IKZF2: variants seen among roughly 807,000 people sequenced by gnomAD.
The protein encoded by IKZF2 is IKAROS family zinc finger 2, also known as zinc finger protein Helios.
Under a neutral mutation model 49.2 loss-of-function variants are expected in IKZF2, and 15 were observed. The observed-to-expected ratio is 0.30, with a 90% CI of 0.20 to 0.47. The LOEUF (loss-of-function observed/expected upper bound fraction) is 0.47, where lower values mean the gene tolerates loss of function less well. Ranked by LOEUF, IKZF2 falls within the 20% of genes least tolerant of loss-of-function variation. The probability of loss-of-function intolerance (pLI) is 1.00; values close to 1 mark genes in which losing one functional copy is unlikely to be tolerated. For missense variants in IKZF2, 567 were observed against 664.6 expected (o/e 0.85, Z 1.61); for synonymous variants, 227 against 221.4 (o/e 1.03, Z -0.23).
intron 4 of IKZF2, among the ~76,000 whole-genome samples, chr2:213,096,862 T>C (rs1271770704): frequency 5.3e-5 from 8 of 152,032 alleles, no homozygotes; most frequent in Non-Finnish European, 8.8e-5. Flanking sequence ...ATAAAACCAA[T>C]ACAATGTTAT....
chr2:213,034,934 T>C (rs1156313738), intron 6 of IKZF2, among the ~76,000 whole-genome samples: 1 of 152,174 alleles, frequency 6.6e-6, no homozygotes, highest in African/African-American at 2.4e-5. Flanking sequence ...CTTTCTATAT[T>C]ACAAGAACTC....
At chr2:213,038,220 A>G (rs1018484940) in intron 6 of IKZF2, among the ~76,000 whole-genome samples, 7 of 152,022 alleles carry the variant, frequency 4.6e-5, no homozygotes, top group Admixed American at 1.3e-4. Flanking sequence ...CACCACGCCC[A>G]GCTAATTTTT....
At chr2:213,101,985 C>T (rs1217586700) in intron 4 of IKZF2, among the ~76,000 whole-genome samples, 1 of 152,128 alleles carries the variant, frequency 6.6e-6, no homozygotes, top group African/African-American at 2.4e-5. Flanking sequence ...TACTAGTATT[C>T]AAAACTGGCA....
At chr2:213,020,195 T>C (rs1297571506) in intron 7 of IKZF2, among the ~76,000 whole-genome samples, 2 of 152,170 alleles carry the variant, frequency 1.3e-5, no homozygotes, top group African/African-American at 4.8e-5. Context: ...CCAGCCTCAA[T>C]TTACCCTTAA....
At chr2:213,016,466 C>T (rs765647982) in intron 7 of IKZF2, among the ~76,000 whole-genome samples, 14 of 152,108 alleles carry the variant, frequency 9.2e-5, no homozygotes, top group Non-Finnish European at 2.9e-5. Context: ...TACATTTTTC[C>T]TTAATTATGT....
chr2:213,062,226 A>G (rs1701761256), intron 4 of IKZF2, among the ~76,000 whole-genome samples: 1 of 151,696 alleles, frequency 6.6e-6, no homozygotes, highest in Non-Finnish European at 1.5e-5. Flanking sequence ...TGAAAATATC[A>G]ATTTAAGACA....
At chr2:213,141,727 C>T (rs2060880826) in intron 4 of IKZF2, among the ~76,000 whole-genome samples, 2 of 151,974 alleles carry the variant, frequency 1.3e-5, no homozygotes, top group East Asian at 3.9e-4. Flanking sequence ...CAGTAAAATG[C>T]CCTATTTAAT....
intron 4 of IKZF2, among the ~76,000 whole-genome samples, chr2:213,066,988 T>C (rs543617102): frequency 1.3e-5 from 2 of 152,200 alleles, no homozygotes; most frequent in South Asian, 2.1e-4. Context: ...TGGAAAAGCA[T>C]GCAATCACTT....
intron 6 of IKZF2, among the ~76,000 whole-genome samples, chr2:213,033,211 C>T (rs1294294762): frequency 6.6e-6 from 1 of 152,216 alleles, no homozygotes; most frequent in African/African-American, 2.4e-5. Flanking sequence ...CCACTTCTAA[C>T]TCTAGTTATG....
intron 5 of IKZF2, among the ~76,000 whole-genome samples, chr2:213,054,346 T>C (rs1390899642): frequency 1.3e-5 from 2 of 152,144 alleles, no homozygotes; most frequent in Non-Finnish European, 2.9e-5. Flanking sequence ...ATATGAGAGA[T>C]AAACAATTGA....
At chr2:213,071,793 TCTCA>T (rs1263426555) in intron 4 of IKZF2, among the ~76,000 whole-genome samples, 1 of 152,112 alleles carries the variant, frequency 6.6e-6, no homozygotes, top group Non-Finnish European at 1.5e-5. Context: ...AACAGGTAGT[TCTCA>T]CTAATACTTC....
chr2:213,148,677 T>C, intron 2 of IKZF2, 33 bp from the exon 3 acceptor site: 4 of 1,565,200 alleles, frequency 2.6e-6, no homozygotes, highest in South Asian at 1.1e-5. Flanking sequence ...CTTAATACAA[T>C]GATTCCTTTC....
intron 6 of IKZF2, 103 bp downstream of exon 6, chr2:213,049,610 G>T (rs903970668): frequency 8.0e-6 from 6 of 752,714 alleles, no homozygotes; most frequent in Non-Finnish European, 1.2e-5. Flanking sequence ...AGATTGTCTT[G>T]GTCATTACCG....
At chr2:213,017,255 G>A (rs368384479) in intron 7 of IKZF2, among the ~76,000 whole-genome samples, 10 of 152,016 alleles carry the variant, frequency 6.6e-5, no homozygotes, top group Non-Finnish European at 1.3e-4. Context: ...AAACTACTAC[G>A]TTGGGCCACT....
intron 4 of IKZF2, among the ~76,000 whole-genome samples, chr2:213,089,191 T>G (rs115449503): frequency 6.6e-5 from 10 of 152,290 alleles, no homozygotes; most frequent in Non-Finnish European, 1.3e-4. Context: ...TAGCAGTCAC[T>G]CCTTAGACCT....
At chr2:213,038,172 T>C (rs1699224822) in intron 6 of IKZF2, among the ~76,000 whole-genome samples, 1 of 151,362 alleles carries the variant, frequency 6.6e-6, no homozygotes, top group Non-Finnish European at 1.5e-5. Flanking sequence ...GCCGTTCTCC[T>C]GCCTCAGCCT....
intron 4 of IKZF2, among the ~76,000 whole-genome samples, chr2:213,075,650 T>C (rs62187851): frequency 9.2e-5 from 14 of 151,938 alleles, no homozygotes; most frequent in African/African-American, 2.9e-4. Context: ...AAAACTAGAA[T>C]CCTCAAAGGA....
At position 213,013,899 on chromosome 2, in the gene IKZF2, T is replaced by C; in HGVS notation, c.748A>G (p.Ile250Val). The C allele has an allele frequency of 6.2e-7, 1 of 1,611,842 alleles. No homozygotes were observed. The highest frequency in any genetic ancestry group is 8.5e-7 in the Non-Finnish European group (1 of 1,178,330). Reference protein sequence around the residue: ...PMEDCKEQEPIMDNNISLVPF... With the variant: ...PMEDCKEQEPVMDNNISLVPF... The stretch of plus-strand genomic sequence containing the variant: ...ACCAGAGAAATATTGTTGTCCATAA[T>C]AGGCTCTTGTTCCTTACAATCTTCC... Residue 250 changes from isoleucine (I) to valine (V), a missense_variant, in exon 8 of 9, where the codon ATT becomes GTT. Transcript: ENST00000434687.
intron 4 of IKZF2, among the ~76,000 whole-genome samples, chr2:213,076,863 C>G (rs2125534242): frequency 6.6e-6 from 1 of 152,274 alleles, no homozygotes; most frequent in East Asian, 1.9e-4. Context: ...GATCGCGCCA[C>G]TGCACTCCAG....
Sources: allele counts gnomAD v4.1 joint callset (sites outside exome capture counted in the v4.1 genomes callset), GRCh38; gene constraint gnomAD v4.1.1; transcripts MANE v1.5; gene names NCBI Gene and HGNC (gene_info 2026-07-23, HGNC 2026-07-21).